Variants in BCAS1 observed in about 807,000 individuals in gnomAD.
The protein encoded by BCAS1 is brain enriched myelin associated protein 1.
In BCAS1, 46 loss-of-function variants were observed where a neutral mutation model predicts 65.4. That is an observed-to-expected ratio of 0.70 (90% CI 0.55 to 0.90). The LOEUF (loss-of-function observed/expected upper bound fraction) is 0.90, where lower values mean the gene tolerates loss of function less well. Among genes scored for constraint, BCAS1 ranks in the 40% least tolerant of loss-of-function variants. BCAS1 has a pLI of 0.00. For missense variants in BCAS1, 793 were observed against 771.2 expected, an observed-to-expected ratio of 1.03 and a Z score of -0.33; for synonymous variants, 298 against 293.5, an observed-to-expected ratio of 1.02 and a Z score of -0.16.
intron 4 of BCAS1, among the ~76,000 whole-genome samples, chr20:54,015,917 G>C (rs2145992322): frequency 6.6e-6 from 1 of 152,254 alleles, no homozygotes; most frequent in East Asian, 1.9e-4. Flanking sequence ...TTATAAAAAA[G>C]AGAAAATACA....
At chr20:53,970,761 G>C (rs781409291) in intron 9 of BCAS1, among the ~76,000 whole-genome samples, 2 of 152,124 alleles carry the variant, frequency 1.3e-5, no homozygotes, top group Non-Finnish European at 2.9e-5. Flanking sequence ...GTTTTTACTA[G>C]AGCTGTGGCT....
intron 9 of BCAS1, among the ~76,000 whole-genome samples, chr20:53,969,172 TTC>T (rs1399886745): frequency 1.3e-5 from 2 of 152,138 alleles, no homozygotes; most frequent in African/African-American, 4.8e-5. Context: ...GCTTTTCGTG[TTC>T]TCTGTTCTCG....
chr20:54,017,660 TG>T (rs769156482), intron 4 of BCAS1, among the ~76,000 whole-genome samples: 2 of 152,208 alleles, frequency 1.3e-5, no homozygotes, highest in Non-Finnish European at 2.9e-5. Context: ...CCTCCCAAAC[TG>T]CTGAAATTAT....
chr20:54,027,449 T>C (rs2091698025), intron 4 of BCAS1, among the ~76,000 whole-genome samples: 2 of 152,240 alleles, frequency 1.3e-5, no homozygotes, highest in South Asian at 4.1e-4. Flanking sequence ...ACTTCGGAAG[T>C]GCAAAGTTGC....
In BCAS1 at chr20:54,059,895, G is replaced by A. The variant is rs117614759; in HGVS notation, c.-5-1172C>T. ...ACTAAGGTATCATTATGCAGTGTAT[G>A]ACTGTGTCTATTGAGCACAGCTCTG... On this transcript the variant is annotated intron_variant, in intron 1 of 12. Transcript: ENST00000688948. Among the ~76,000 whole-genome samples, 1,340 of 152,310 alleles carry A rather than the reference G, an allele frequency of 8.8e-3. 7 individuals carry two copies. Among genetic ancestry groups the A allele is most frequent in the Admixed American group, 0.013 (200 of 15,310 alleles).
intron 4 of BCAS1, among the ~76,000 whole-genome samples, chr20:54,003,129 G>A (rs2091097931): frequency 6.7e-6 from 1 of 148,664 alleles, no homozygotes; most frequent in Admixed American, 6.8e-5. Context: ...ACCTTGCCTG[G>A]TATAATTCGT....
intron 4 of BCAS1, among the ~76,000 whole-genome samples, chr20:54,027,817 A>C (rs990401258): frequency 2.6e-5 from 4 of 151,604 alleles, no homozygotes; most frequent in South Asian, 2.1e-4. Context: ...AAAAAAACCC[A>C]AAACCCCTAG....
chr20:54,013,213 A>G (rs1233613971), intron 4 of BCAS1, among the ~76,000 whole-genome samples: 1 of 152,244 alleles, frequency 6.6e-6, no homozygotes, highest in African/African-American at 2.4e-5. Flanking sequence ...ACTTTTAAAT[A>G]AAAGATGTAG....
At chr20:53,998,448 G>A (rs2090975023) in intron 4 of BCAS1, among the ~76,000 whole-genome samples, 1 of 152,216 alleles carries the variant, frequency 6.6e-6, no homozygotes, top group African/African-American at 2.4e-5. Context: ...GGAGAAGTGG[G>A]AGCAGGCACA....
At chr20:53,947,985 C>A (rs535311387) in intron 12 of BCAS1, among the ~76,000 whole-genome samples, 1 of 152,286 alleles carries the variant, frequency 6.6e-6, no homozygotes, top group Admixed American at 6.5e-5. Flanking sequence ...CTTCATTGAT[C>A]TGGTATCTGA....
rs755981737 is a variant in BCAS1, at chr20:54,028,678, G to A, written c.437C>T (p.Pro146Leu). 8 of 1,614,122 alleles carry A rather than the reference G, an allele frequency of 5.0e-6. No individual in the cohort carries two copies. Among genetic ancestry groups the A allele is most frequent in the South Asian group, 2.2e-5 (2 of 91,070 alleles). Reference sequence around the variant, plus strand: ...TGGGGTTTTATCTGTGTCCTGCCCCGGTCCAGCTGCCACCGGAAGTGTCCA... The same window carrying A: ...TGGGGTTTTATCTGTGTCCTGCCCCAGTCCAGCTGCCACCGGAAGTGTCCA... ...ESWTLPVAAGPGQDTDKTPGH... is the reference protein window; with the variant it reads ...ESWTLPVAAGLGQDTDKTPGH... The change falls in exon 4 of 13, where the codon CCG (proline) becomes CTG (leucine). Residue 146 changes from proline to leucine, a missense_variant. Coordinates refer to ENST00000688948, the MANE Select transcript of BCAS1 (RefSeq NM_001366298.2).
At chr20:53,972,416 T>TTTGCTAATTTGCTAACAA (rs2090203820) in intron 9 of BCAS1, among the ~76,000 whole-genome samples, 1 of 152,242 alleles carries the variant, frequency 6.6e-6, no homozygotes, top group Non-Finnish European at 1.5e-5. Flanking sequence ...TTGTCTCTTA[T>TTTGCTAATTTGCTAACAA]TTGCTAATTT....
Position 54,005,303 on chromosome 20 carries a change from A to AAAAACAAAACAAAAC in BCAS1, c.724-9268_724-9254dup, listed in dbSNP as rs71196438. ...AGACCTTGTCTCTATGAAACAAAGC[A>AAAAACAAAACAAAAC]AAAACAAAACAAAACAAAACAAAAC... On this transcript the variant is annotated intron_variant, in intron 4 of 12. Coordinates refer to ENST00000688948, the MANE Select transcript of BCAS1 (RefSeq NM_001366298.2). Among the ~76,000 whole-genome samples, 1,026 of 148,368 alleles carry AAAAACAAAACAAAAC rather than the reference A, an allele frequency of 6.9e-3. 18 individuals are homozygous for AAAAACAAAACAAAAC. In the East Asian group the frequency reaches 0.072, roughly 10 times the overall value.
intron 9 of BCAS1, among the ~76,000 whole-genome samples, chr20:53,967,429 A>G (rs2090064232): frequency 6.6e-6 from 1 of 152,214 alleles, no homozygotes; most frequent in Non-Finnish European, 1.5e-5. Flanking sequence ...TGGCCTGTCT[A>G]GAAACCAGGA....
intron 7 of BCAS1, among the ~76,000 whole-genome samples, chr20:53,990,257 A>G (rs1219128099): frequency 6.6e-6 from 1 of 152,228 alleles, no homozygotes; most frequent in Admixed American, 6.5e-5. Context: ...TGGCAAAGGC[A>G]TTCTAAAGGA....
intron 4 of BCAS1, among the ~76,000 whole-genome samples, chr20:53,998,885 T>G (rs1265628046): frequency 6.6e-6 from 1 of 152,204 alleles, no homozygotes; most frequent in African/African-American, 2.4e-5. Context: ...TGTCACTTAA[T>G]CTTTACAACA....
At chr20:53,958,207 T>G (rs2089762223) in intron 10 of BCAS1, among the ~76,000 whole-genome samples, 1 of 152,204 alleles carries the variant, frequency 6.6e-6, no homozygotes, top group African/African-American at 2.4e-5. Context: ...TGTCTGAGTT[T>G]GAGTACCACC....
intron 4 of BCAS1, among the ~76,000 whole-genome samples, chr20:54,006,244 T>C (rs2299723): frequency 0.11 from 16,721 of 152,138 alleles, 1,324 homozygotes; most frequent in East Asian, 0.44. Flanking sequence ...TAGAGCCCTT[T>C]CCCCTTAACC....
At chr20:54,026,179 T>A (rs2091668927) in intron 4 of BCAS1, among the ~76,000 whole-genome samples, 1 of 152,202 alleles carries the variant, frequency 6.6e-6, no homozygotes, top group Non-Finnish European at 1.5e-5. Context: ...AATTCTTGGG[T>A]CTTCTGAGAG....
Sources: gnomAD v4.1 joint callset for allele counts (sites outside exome capture counted in the v4.1 genomes callset) on GRCh38, gnomAD v4.1.1 for gene constraint, MANE v1.5 for transcripts, NCBI Gene and HGNC (gene_info 2026-07-23, HGNC 2026-07-21) for gene names.